The following MYO5C variants were observed in gnomAD, a reference collection of about 807,000 sequenced individuals.
The protein encoded by MYO5C is unconventional myosin-Vc.
MYO5C carries 194 observed loss-of-function variants against 235.7 expected under a neutral mutation model. The observed-to-expected ratio is 0.82, with a 90% CI of 0.73 to 0.93. The LOEUF (loss-of-function observed/expected upper bound fraction) is 0.93. Ranked by LOEUF, MYO5C falls within the 40% of genes least tolerant of loss-of-function variation. The pLI, the probability that MYO5C is intolerant of heterozygous loss-of-function variation, is 0.00. For synonymous variants in MYO5C, 707 were observed against 754.8 expected (o/e 0.94, Z 1.04); for missense variants, 2,038 against 2,127.2 (o/e 0.96, Z 0.82).
At chr15:52,248,850 C>T in intron 13 of MYO5C, 67 bp from the exon 14 acceptor site, 2 of 1,081,290 alleles carry the variant, frequency 1.8e-6, no homozygotes, top group South Asian at 1.4e-5. Flanking sequence ...GCACAAGTTT[C>T]ATCTCTTTTT....
At chr15:52,274,422 C>G (rs2036993253) in intron 5 of MYO5C, among the ~76,000 whole-genome samples, 1 of 152,068 alleles carries the variant, frequency 6.6e-6, no homozygotes, top group Non-Finnish European at 1.5e-5. Context: ...GGACTACAGA[C>G]ATGTGCCACT....
At chr15:52,196,884 C>T (rs1424765272) in intron 38 of MYO5C, among the ~76,000 whole-genome samples, 1 of 152,174 alleles carries the variant, frequency 6.6e-6, no homozygotes, top group Admixed American at 6.5e-5. Context: ...CGGTCGACTG[C>T]AGTTTTTATT....
At chr15:52,286,698 AG>A (rs1480270896) in intron 1 of MYO5C, among the ~76,000 whole-genome samples, 1 of 152,088 alleles carries the variant, frequency 6.6e-6, no homozygotes, top group Non-Finnish European at 1.5e-5. Context: ...AAATGGATTA[AG>A]GGCGGTGCAA....
rs1375705237 is a variant in MYO5C, at chr15:52,193,713, T to C, written c.*189A>G. The C allele has an allele frequency of 3.3e-6, 2 of 600,198 alleles. No homozygotes were observed. Among genetic ancestry groups the C allele is most frequent in the Admixed American group, 6.7e-5 (2 of 29,808 alleles). The allele number at this position is 600,198 out of a possible 1,614,324, so 37.2% of individuals were successfully genotyped here. ...GGCTTTTCCAAATACAGCTGGTGTG[T>C]GTGAATTCTTACAAAATTACAGGAG... On this transcript the variant is annotated 3_prime_UTR_variant, in exon 41 of 41. Transcript: ENST00000261839.
intron 4 of MYO5C, chr15:52,277,924 G>A (rs758332216): frequency 3.7e-4 from 167 of 456,024 alleles, no homozygotes; most frequent in Non-Finnish European, 5.2e-4. Context: ...GCTCACAGAC[G>A]AAGACATAAA....
rs374576264 is a variant in MYO5C, at chr15:52,279,632, G to A, written c.181C>T (p.Arg61Trp). The A allele has an allele frequency of 1.5e-5, 25 of 1,613,666 alleles. No homozygotes were observed. The highest frequency in any genetic ancestry group is 2.2e-5 in the East Asian group (1 of 44,878). Residue 61 changes from arginine to tryptophan, a missense_variant, in exon 3 of 41, where the codon CGG becomes TGG. Physicochemically the swap from Arg to Trp is moderately radical, Grantham distance 101. Transcript: ENST00000261839. ...SVNPESLPPL[R>W]NPDILVGEND... ...TCGCCCACGAGGATGTCAGGATTCC[G>A]AAGTGGAGGCAGAGATTCTGGATTG...
intron 8 of MYO5C, among the ~76,000 whole-genome samples, chr15:52,264,765 GC>G (rs2036767100): frequency 6.6e-6 from 1 of 152,188 alleles, no homozygotes; most frequent in Admixed American, 6.5e-5. Flanking sequence ...GGCCTTTCAT[GC>G]CCTCTGGCCT....
intron 7 of MYO5C, among the ~76,000 whole-genome samples, chr15:52,270,587 T>C (rs1284523320): frequency 6.6e-6 from 1 of 151,334 alleles, no homozygotes; most frequent in Admixed American, 6.6e-5. Context: ...TCTACATATA[T>C]ATGTATATAT....
intron 4 of MYO5C, 37 bp from the exon 5 acceptor site, chr15:52,275,755 C>T: frequency 1.9e-6 from 3 of 1,605,784 alleles, no homozygotes; most frequent in South Asian, 2.2e-5. Context: ...TTAGTTTCTT[C>T]CCATTAAAGA....
At position 52,196,323 on chromosome 15, in the gene MYO5C, G is replaced by C; in HGVS notation, c.4981C>G (p.Leu1661Val). Residue 1661 changes from leucine (L) to valine (V), a missense_variant, in exon 39 of 41, where the codon CTG becomes GTG. Transcript: ENST00000261839. Reference sequence around the variant, plus strand: ...AGCCTGGTCACCTGCACAGCAGACAGTGAGGTGCAGCGTTCGTAGATCTCC... The same window carrying C: ...AGCCTGGTCACCTGCACAGCAGACACTGAGGTGCAGCGTTCGTAGATCTCC... Reference protein sequence around the residue: ...AKEIYERCTSLSAVQIIKILN... With the variant: ...AKEIYERCTSVSAVQIIKILN... The C allele has an allele frequency of 4.3e-6, 7 of 1,610,892 alleles. No individual in the cohort carries two copies. Among genetic ancestry groups the C allele is most frequent in the Non-Finnish European group, 5.9e-6 (7 of 1,178,890 alleles).
intron 9 of MYO5C, 48 bp downstream of exon 9, chr15:52,264,142 C>G: frequency 4.2e-6 from 6 of 1,430,238 alleles, no homozygotes; most frequent in Non-Finnish European, 5.9e-6. Flanking sequence ...GAGCCAGTTC[C>G]ACTATGACCC....
intron 23 of MYO5C, among the ~76,000 whole-genome samples, chr15:52,235,310 T>G (rs2036054517): frequency 6.6e-6 from 1 of 152,094 alleles, no homozygotes; most frequent in African/African-American, 2.4e-5. Context: ...ATTACGGATG[T>G]CTGAACCACC....
Position 52,237,518 on chromosome 15 carries a change from C to T in MYO5C, c.2832G>A (p.Glu944=). 1 of 1,614,186 alleles carries T rather than the reference C, an allele frequency of 6.2e-7. No homozygotes were observed. The highest frequency in any genetic ancestry group is 2.2e-5 in the East Asian group (1 of 44,888). ...EKAATHRRNY[E]EKGKRYRDAV... is the part of the protein sequence containing the mutation. ...CATCCCTGTATCTCTTCCCCTTCTC[C>T]TCGTAATTTCGCCTGTGAGTGGCTG... is the stretch of plus-strand genomic sequence containing the variant. Residue 944 remains glutamate, a synonymous_variant, in exon 22 of 41, where the codon GAG becomes GAA. Coordinates refer to ENST00000261839, the MANE Select transcript of MYO5C (RefSeq NM_018728.4).
rs1337247242 is a variant in MYO5C at position 52,253,466 on chromosome 15, C to A, written c.1396-9G>T. 6.2e-7 allele frequency: 1 copy of A among 1,610,178 alleles called. No individual in the cohort carries two copies. Among genetic ancestry groups the A allele is most frequent in the Admixed American group, 1.7e-5 (1 of 59,252 alleles). On this transcript the variant is annotated splice_polypyrimidine_tract_variant and intron_variant, in intron 11 of 40. Coordinates refer to ENST00000261839, the MANE Select transcript of MYO5C (RefSeq NM_018728.4). ...TCCAGTTTGAAGACATGCTGGGAAT[C>A]CAAAGTTAATACAGAAAGTAAAACA...
intron 15 of MYO5C, 109 bp downstream of exon 15, chr15:52,247,349 C>T (rs2036372756): frequency 2.4e-6 from 3 of 1,264,708 alleles, no homozygotes; most frequent in South Asian, 2.9e-5. Context: ...TGGAAGAGCC[C>T]CAGCGTCTGT....
chr15:52,257,871 T>A (rs1455852924), intron 10 of MYO5C, among the ~76,000 whole-genome samples: 2 of 152,204 alleles, frequency 1.3e-5, no homozygotes. Flanking sequence ...ACTGAGCTGG[T>A]TTGGCTCAAT....
intron 35 of MYO5C, among the ~76,000 whole-genome samples, chr15:52,211,526 C>T (rs1006534668): frequency 2.0e-5 from 3 of 152,190 alleles, no homozygotes; most frequent in Admixed American, 2.0e-4. Flanking sequence ...TGCAGTCTCG[C>T]CGGTAAGGCT....
intron 4 of MYO5C, chr15:52,277,860 C>T: frequency 2.2e-6 from 1 of 455,830 alleles, no homozygotes; most frequent in Non-Finnish European, 4.4e-6. Context: ...TAAGCACCAC[C>T]TGCTCCCTCA....
intron 10 of MYO5C, among the ~76,000 whole-genome samples, chr15:52,259,893 A>G (rs2036655716): frequency 6.6e-6 from 1 of 152,244 alleles, no homozygotes; most frequent in African/African-American, 2.4e-5. Flanking sequence ...GCCAGAGCTC[A>G]GCTCTCCCCT....
Sources: allele counts gnomAD v4.1 joint callset (sites outside exome capture counted in the v4.1 genomes callset), GRCh38; gene constraint gnomAD v4.1.1; transcripts MANE v1.5; gene names NCBI Gene and HGNC (gene_info 2026-07-23, HGNC 2026-07-21).